Variants in PTPRT observed in about 807,000 individuals in gnomAD.
The protein encoded by PTPRT is protein tyrosine phosphatase receptor type T, also known as receptor-type tyrosine-protein phosphatase T.
Under a neutral mutation model 176.8 loss-of-function variants are expected in PTPRT, and 56 were observed. The observed-to-expected ratio is 0.32, with a 90% CI of 0.26 to 0.40. PTPRT has a LOEUF of 0.40. PTPRT is among the 10% of genes least tolerant of loss of function. PTPRT has a pLI of 1.00. For missense variants in PTPRT, 1,540 were observed against 1,908.2 expected (o/e 0.81, Z 3.60); for synonymous variants, 783 against 739.0 (o/e 1.06, Z -0.96).
At chr20:43,047,215 A>G (rs1021750192) in intron 1 of PTPRT, among the ~76,000 whole-genome samples, 3 of 152,024 alleles carry the variant, frequency 2.0e-5, no homozygotes, top group Admixed American at 6.5e-5. Flanking sequence ...GCTGCGCTTG[A>G]GCTCAGCAAC....
chr20:42,641,957 C>G (rs1270495501), intron 7 of PTPRT, among the ~76,000 whole-genome samples: 1 of 152,154 alleles, frequency 6.6e-6, no homozygotes, highest in Non-Finnish European at 1.5e-5. Context: ...ATACCTGTCT[C>G]ACAGGCTAAC....
At chr20:43,188,748 T>A (rs2015457097) in intron 1 of PTPRT, among the ~76,000 whole-genome samples, 1 of 15,810 alleles carries the variant, frequency 6.3e-5, no homozygotes, top group Non-Finnish European at 2.3e-4. Context: ...GCCGCTACTC[T>A]TGGGGGGGGG....
chr20:42,189,849 G>T (rs1025979392), intron 16 of PTPRT, among the ~76,000 whole-genome samples: 2 of 152,134 alleles, frequency 1.3e-5, no homozygotes, highest in East Asian at 3.9e-4. Flanking sequence ...GTTTTAGTTT[G>T]ATTATGTATA....
At chr20:43,056,301 C>G (rs1987229693) in intron 1 of PTPRT, among the ~76,000 whole-genome samples, 1 of 152,196 alleles carries the variant, frequency 6.6e-6, no homozygotes, top group Non-Finnish European at 1.5e-5. Context: ...TCCACCCACT[C>G]TCATCCCACT....
At chr20:42,797,212 T>C (rs2077466407) in intron 2 of PTPRT, among the ~76,000 whole-genome samples, 1 of 152,178 alleles carries the variant, frequency 6.6e-6, no homozygotes. Context: ...CTCCTCCTTT[T>C]GTTTCTCTGA....
intron 15 of PTPRT, among the ~76,000 whole-genome samples, chr20:42,212,318 CAAAAAAAAAAAAA>C (rs2055659288): frequency 9.4e-6 from 1 of 106,908 alleles, no homozygotes; most frequent in African/African-American, 3.7e-5. Context: ...AAAAAAAAGA[CAAAAAAAAAAAAA>C]GAGTTCAATG....
chr20:42,400,845 G>A (rs940128709), intron 9 of PTPRT, among the ~76,000 whole-genome samples: 1 of 152,040 alleles, frequency 6.6e-6, no homozygotes, highest in African/African-American at 2.4e-5. Flanking sequence ...CCTTGAGGAC[G>A]AGTTAAAGAA....
chr20:42,771,378 C>G, intron 5 of PTPRT, 57 bp downstream of exon 5: 1 of 1,459,708 alleles, frequency 6.9e-7, no homozygotes, highest in Non-Finnish European at 9.6e-7. Flanking sequence ...TCCTTCCAGT[C>G]CTTCTTTTCC....
At chr20:43,166,837 T>A (rs531995003) in intron 1 of PTPRT, among the ~76,000 whole-genome samples, 5 of 152,272 alleles carry the variant, frequency 3.3e-5, no homozygotes, top group African/African-American at 1.2e-4. Flanking sequence ...TGAATAATAA[T>A]AAAGAAAAGT....
intron 1 of PTPRT, among the ~76,000 whole-genome samples, chr20:43,142,470 T>A (rs1399737722): frequency 1.3e-5 from 2 of 152,220 alleles, no homozygotes; most frequent in Non-Finnish European, 2.9e-5. Context: ...GTCCCAGGCA[T>A]GTCTTTCCTG....
chr20:42,866,845 T>A (rs2078754978), intron 2 of PTPRT, among the ~76,000 whole-genome samples: 2 of 152,210 alleles, frequency 1.3e-5, no homozygotes, highest in African/African-American at 4.8e-5. Flanking sequence ...TTACTTAATC[T>A]TTGTGTGCCT....
chr20:43,083,708 C>G (rs1286042904), intron 1 of PTPRT, among the ~76,000 whole-genome samples: 5 of 152,024 alleles, frequency 3.3e-5, no homozygotes, highest in African/African-American at 1.2e-4. Flanking sequence ...ACAACAATCA[C>G]ACCATCACCA....
intron 7 of PTPRT, among the ~76,000 whole-genome samples, chr20:42,515,761 C>G (rs1479454489): frequency 6.6e-6 from 1 of 151,920 alleles, no homozygotes; most frequent in African/African-American, 2.4e-5. Context: ...TGGGTATATA[C>G]CCAAAGGACT....
chr20:43,151,030 G>A (rs2014332627), intron 1 of PTPRT, among the ~76,000 whole-genome samples: 1 of 152,238 alleles, frequency 6.6e-6, no homozygotes, highest in Admixed American at 6.5e-5. Context: ...AGACTGGTCG[G>A]GTGTGGTGGC....
In PTPRT at chr20:42,248,809, C is replaced by A. The variant is rs201441123; in HGVS notation, c.2190G>T (p.Gln730His). The change falls in exon 14 of 31, where the codon CAG becomes CAT. Residue 730 changes from glutamine (Q) to histidine (H), a missense_variant. Physicochemically the swap from Gln to His is conservative, Grantham distance 24. Around this residue, in one of 11 missense-constraint regions of PTPRT, gnomAD observed 255 missense variants for 250.1 expected, o/e 1.02. Coordinates refer to ENST00000373187, the MANE Select transcript of PTPRT (RefSeq NM_007050.6). Reference sequence around the variant, plus strand: ...TCTCTGGCTCCACAGTGTTAGAATTCTGGGTGGAGGCACCTAGGAAGGGAA... The same window carrying A: ...TCTCTGGCTCCACAGTGTTAGAATTATGGGTGGAGGCACCTAGGAAGGGAA... The part of the protein sequence containing the change: ...VRLATKGAST[Q>H]NSNTVEPEKQ... The A allele has an allele frequency of 6.2e-7, 1 of 1,613,924 alleles. No individual in the cohort carries two copies. Among genetic ancestry groups the A allele is most frequent in the Non-Finnish European group, 8.5e-7 (1 of 1,179,856 alleles).
chr20:42,579,032 A>G (rs2073321620), intron 7 of PTPRT, among the ~76,000 whole-genome samples: 1 of 151,042 alleles, frequency 6.6e-6, no homozygotes, highest in African/African-American at 2.4e-5. Context: ...AACATTAGGT[A>G]TATCTTTTAA....
chr20:42,651,642 G>C (rs990225540), intron 7 of PTPRT, among the ~76,000 whole-genome samples: 1 of 152,158 alleles, frequency 6.6e-6, no homozygotes, highest in African/African-American at 2.4e-5. Flanking sequence ...GTATTGCTGA[G>C]CAGAGACACT....
At chr20:42,591,437 T>C (rs1009152996) in intron 7 of PTPRT, among the ~76,000 whole-genome samples, 1 of 152,194 alleles carries the variant, frequency 6.6e-6, no homozygotes, top group Non-Finnish European at 1.5e-5. Context: ...TAATAAGATA[T>C]ATTGCATGAT....
intron 6 of PTPRT, among the ~76,000 whole-genome samples, chr20:42,744,524 C>A (rs940881464): frequency 6.6e-6 from 1 of 152,212 alleles, no homozygotes; most frequent in Non-Finnish European, 1.5e-5. Context: ...AGTTTTCATT[C>A]AAGACATTAA....
Sources: gnomAD v4.1 joint callset for allele counts (sites outside exome capture counted in the v4.1 genomes callset) on GRCh38, gnomAD v4.1.1 for gene constraint, gnomAD v4.1.1 regional missense constraint, MANE v1.5 for transcripts, NCBI Gene and HGNC (gene_info 2026-07-23, HGNC 2026-07-21) for gene names.